The following PHF21A variants were observed in gnomAD, a reference collection of about 807,000 sequenced individuals.
PHF21A encodes BHC80a.
In PHF21A, 11 loss-of-function variants were observed where a neutral mutation model predicts 82.5. That is an observed-to-expected ratio of 0.13 (90% CI 0.08 to 0.22). PHF21A has a LOEUF of 0.22. PHF21A is among the 10% of genes least tolerant of loss of function. The probability of loss-of-function intolerance (pLI) is 1.00; values close to 1 mark genes in which losing one functional copy is unlikely to be tolerated. For synonymous variants in PHF21A, 297 were observed against 302.8 expected, an observed-to-expected ratio of 0.98 and a Z score of 0.20; for missense variants, 579 against 837.8, an observed-to-expected ratio of 0.69 and a Z score of 3.81.
intron 10 of PHF21A, among the ~76,000 whole-genome samples, chr11:45,954,043 C>A (rs565158186): frequency 9.2e-5 from 14 of 152,308 alleles, no homozygotes; most frequent in African/African-American, 2.6e-4. Context: ...GTTGCCCAGG[C>A]TGGAGTGCAA....
chr11:45,932,898 T>C lies in PHF21A; in HGVS notation c.*1070A>G, dbSNP rs968325922. 1 of 152,482 alleles carries C rather than the reference T, an allele frequency of 6.6e-6. No individual in the cohort carries two copies. Among genetic ancestry groups the C allele is most frequent in the Admixed American group, 6.5e-5 (1 of 15,282 alleles). The allele number at this position is 152,482 out of a possible 1,614,324, so 9.4% of individuals were successfully genotyped here. A position where few individuals can be genotyped will look rare whatever the true frequency, so the allele number is the denominator to read the frequency against. ...TCAGCCTGAAAAACAGCTTTTCTAT[T>C]CCTTATTTTAGTTTTTGTTACCAAG... On this transcript the variant is annotated 3_prime_UTR_variant, in exon 19 of 19. Coordinates refer to ENST00000676320, the MANE Select transcript of PHF21A (RefSeq NM_001352027.3). This position sits in a 1 kb window ranked among gnomAD's most constrained non-coding sequence, Gnocchi z 4.3.
chr11:46,116,210 C>T (rs1157564534), intron 1 of PHF21A, among the ~76,000 whole-genome samples: 3 of 152,154 alleles, frequency 2.0e-5, no homozygotes, highest in Admixed American at 2.0e-4. Flanking sequence ...TTTCAGTGCA[C>T]TCCTCTAGAT....
At chr11:46,046,576 A>G (rs929579223) in intron 6 of PHF21A, among the ~76,000 whole-genome samples, 2 of 152,202 alleles carry the variant, frequency 1.3e-5, no homozygotes, top group African/African-American at 2.4e-5. Context: ...TTCTAAGGCA[A>G]TCTCACAGAG....
intron 6 of PHF21A, among the ~76,000 whole-genome samples, chr11:46,012,815 T>TGATACC (rs1486342186): frequency 6.6e-6 from 1 of 152,224 alleles, no homozygotes; most frequent in Non-Finnish European, 1.5e-5. Context: ...CTCATCTTAA[T>TGATACC]GATACCCTAA....
intron 4 of PHF21A, among the ~76,000 whole-genome samples, chr11:46,083,398 A>G (rs975485418): frequency 6.6e-6 from 1 of 152,222 alleles, no homozygotes; most frequent in African/African-American, 2.4e-5. Flanking sequence ...TCAAAAGTTA[A>G]TGTTACCTCA....
chr11:45,965,360 A>C lies in PHF21A; in HGVS notation c.951T>G (p.Ala317=). 6.2e-7 allele frequency: 1 copy of C among 1,614,046 alleles called. No individual in the cohort carries two copies. Among genetic ancestry groups the C allele is most frequent in the Non-Finnish European group, 8.5e-7 (1 of 1,179,998 alleles). The change falls in exon 10 of 19, where the codon GCT becomes GCG. Residue 317 remains alanine (A), a synonymous_variant. Coordinates refer to ENST00000676320, the MANE Select transcript of PHF21A (RefSeq NM_001352027.3). ...TGCTAAGCTGTACAGTTTGAGGTCC[A>C]GCGAGTCTGGTCCCTGGAGTAGCTA... ...IVIATPGTRL[A]GPQTVQLSKP...
At chr11:46,022,213 G>C (rs2095645801) in intron 6 of PHF21A, among the ~76,000 whole-genome samples, 1 of 152,144 alleles carries the variant, frequency 6.6e-6, no homozygotes, top group African/African-American at 2.4e-5. Flanking sequence ...AGCACTTTGG[G>C]AGGCCAAGGT....
intron 1 of PHF21A, among the ~76,000 whole-genome samples, chr11:46,104,228 C>T (rs1279103029): frequency 6.6e-6 from 1 of 152,110 alleles, no homozygotes; most frequent in Non-Finnish European, 1.5e-5. Context: ...AGTTGTTACA[C>T]CCAAGCATGA....
intron 6 of PHF21A, chr11:46,027,067 T>C (rs1254348979): frequency 6.6e-6 from 1 of 152,194 alleles, no homozygotes. Flanking sequence ...TCATCATTCC[T>C]ATCTGATGTG....
intron 6 of PHF21A, among the ~76,000 whole-genome samples, chr11:45,989,153 G>A (rs1217583001): frequency 6.6e-6 from 1 of 152,126 alleles, no homozygotes; most frequent in East Asian, 1.9e-4. Flanking sequence ...ATGTGATAAA[G>A]GATAATTTGC....
chr11:46,086,533 T>A (rs1269440891), intron 3 of PHF21A, among the ~76,000 whole-genome samples: 1 of 152,228 alleles, frequency 6.6e-6, no homozygotes, highest in African/African-American at 2.4e-5. Context: ...CTACCTGCAA[T>A]ACTAAAGTTA....
intron 6 of PHF21A, among the ~76,000 whole-genome samples, chr11:46,060,968 C>T (rs1184503341): frequency 2.0e-5 from 3 of 152,150 alleles, no homozygotes; most frequent in African/African-American, 2.4e-5. Context: ...TCTAATCCAA[C>T]TAGAGTTCAT....
intron 6 of PHF21A, among the ~76,000 whole-genome samples, chr11:46,010,324 T>G (rs1050104897): frequency 1.3e-5 from 2 of 152,216 alleles, no homozygotes; most frequent in Non-Finnish European, 2.9e-5. Context: ...ACATTACAGT[T>G]AACAAAGGCT....
intron 7 of PHF21A, among the ~76,000 whole-genome samples, chr11:45,978,409 G>A (rs1192446363): frequency 1.3e-5 from 2 of 152,152 alleles, no homozygotes; most frequent in Admixed American, 1.3e-4. Context: ...AAAACACTTA[G>A]GAGACTGCCA....
At position 45,979,826 on chromosome 11, in the gene PHF21A, CTGT is replaced by C. The variant is rs750610677; in HGVS notation, c.291_293del (p.Gln100del). 5 of 1,614,114 alleles carry C rather than the reference CTGT, an allele frequency of 3.1e-6. No homozygotes were observed. The highest frequency in any genetic ancestry group is 2.2e-5 in the South Asian group (2 of 91,078). On this transcript the variant is annotated inframe_deletion, in exon 7 of 19. Transcript: ENST00000676320. ...GGGCGTGGTGGTGGTGGTACTGCTGCTGTTGTTGTAGTTGCTGTAGTGGTTGCT... is the reference window on the plus strand; with the variant it reads ...GGGCGTGGTGGTGGTGGTACTGCTGCTGTTGTAGTTGCTGTAGTGGTTGCT...
At chr11:45,951,330 G>A (rs1304686951) in intron 11 of PHF21A, among the ~76,000 whole-genome samples, 1 of 152,326 alleles carries the variant, frequency 6.6e-6, no homozygotes, top group South Asian at 2.1e-4. Context: ...ACTTTGGCCT[G>A]AAGTGATAGG....
intron 6 of PHF21A, among the ~76,000 whole-genome samples, chr11:45,995,029 T>C (rs2094856762): frequency 6.6e-6 from 1 of 152,242 alleles, no homozygotes. Context: ...GAGAAAGACC[T>C]AATTGTCAGA....
intron 9 of PHF21A, among the ~76,000 whole-genome samples, chr11:45,967,411 T>C (rs2093505227): frequency 1.3e-5 from 2 of 151,660 alleles, no homozygotes; most frequent in Admixed American, 1.3e-4. Flanking sequence ...CAAATCTGGA[T>C]GGGCTTGAGG....
At chr11:46,006,748 A>G (rs2095305329) in intron 6 of PHF21A, among the ~76,000 whole-genome samples, 1 of 152,246 alleles carries the variant, frequency 6.6e-6, no homozygotes, top group South Asian at 2.1e-4. Flanking sequence ...TTAAACGCCT[A>G]TTAGAATGTG....
Sources: allele counts gnomAD v4.1 joint callset (sites outside exome capture counted in the v4.1 genomes callset), GRCh38; gene constraint gnomAD v4.1.1; non-coding constraint Gnocchi (gnomAD v3.1); transcripts MANE v1.5; gene names NCBI Gene and HGNC (gene_info 2026-07-23, HGNC 2026-07-21).